The following GRIA3 variants were observed in gnomAD, a reference collection of about 807,000 sequenced individuals.
GRIA3 encodes the protein glutamate ionotropic receptor AMPA type subunit 3, also known as glutamate receptor 3.
GRIA3 carries 3 observed loss-of-function variants against 63.0 expected under a neutral mutation model. That is an observed-to-expected ratio of 0.05 (90% CI 0.02 to 0.12). The LOEUF is 0.12. Among genes scored for constraint, GRIA3 ranks in the 10% least tolerant of loss-of-function variants. The probability of loss-of-function intolerance (pLI) is 1.00; values close to 1 mark genes in which losing one functional copy is unlikely to be tolerated. For synonymous variants in GRIA3, 274 were observed against 257.9 expected (o/e 1.06, Z -0.60); for missense variants, 347 against 700.9 (o/e 0.50, Z 5.70).
intron 2 of GRIA3, among the ~76,000 whole-genome samples, chrX:123,213,327 C>G (rs1928084720): frequency 8.9e-6 from 1 of 112,427 alleles, no homozygotes; most frequent in Non-Finnish European, 1.9e-5. Context: ...TAGTGAGCAT[C>G]TACCATGTGC....
chrX:123,483,931 C>CAA lies in GRIA3; in HGVS notation c.*2+895_*2+896dup, dbSNP rs11376460. Among the ~76,000 whole-genome samples, 25 of 104,333 alleles carry CAA rather than the reference C, an allele frequency of 2.4e-4. No homozygotes were observed. The Admixed American group carries it at 2.6e-3, about 11-fold the overall frequency. 90.6% of individuals were successfully genotyped at this position (104,333 alleles called of 115,157 possible). The stretch of plus-strand genomic sequence containing the variant: ...TGGGTGACAGTGTGAGACTCCATCT[C>CAA]AAAAAAAAAAATTAGGTACACAGGT... On this transcript the variant is annotated intron_variant, in intron 15 of 15. Transcript: ENST00000620443.
Position 123,261,054 on chromosome X carries a change from T to C in GRIA3, c.508+7512T>C, listed in dbSNP as rs998396632. ...TGCTTTGGGGCATAAGAAGAGAAAG[T>C]GCCGAGCAATTTGTTGTCAGCTCTT... On this transcript the variant is annotated intron_variant, in intron 3 of 15. Coordinates refer to ENST00000620443, the MANE Select transcript of GRIA3 (RefSeq NM_007325.5). 1.9e-4 allele frequency among the ~76,000 whole-genome samples: 21 copies of C among 112,096 alleles called. No individual in the cohort carries two copies. The Admixed American group carries it at 2.0e-3, about 11-fold the overall frequency.
chrX:123,310,328 T>C (rs938656543), intron 3 of GRIA3, among the ~76,000 whole-genome samples: 2 of 112,573 alleles, frequency 1.8e-5, no homozygotes, highest in Non-Finnish European at 3.8e-5. Flanking sequence ...TCTTTGCAAA[T>C]ATTATAGTTA....
intron 3 of GRIA3, among the ~76,000 whole-genome samples, chrX:123,297,039 T>C (rs755834710): frequency 8.1e-5 from 9 of 111,496 alleles, no homozygotes; most frequent in Non-Finnish European, 1.9e-5. Context: ...ATACCAATTA[T>C]GGAGAAGACC....
chrX:123,426,129 CTG>C (rs1249354834), intron 11 of GRIA3, among the ~76,000 whole-genome samples: 1 of 111,460 alleles, frequency 9.0e-6, no homozygotes, highest in African/African-American at 3.3e-5. Flanking sequence ...GGTTCTCTTC[CTG>C]TGAGTTTTTC....
At chrX:123,202,525 T>C in intron 2 of GRIA3, 1 of 768,470 alleles carries the variant, frequency 1.3e-6, no homozygotes. Context: ...CTGGACAGTG[T>C]ACATCAAGGT....
intron 3 of GRIA3, among the ~76,000 whole-genome samples, chrX:123,293,292 C>G (rs1407501057): frequency 9.0e-6 from 1 of 111,366 alleles, no homozygotes; most frequent in Non-Finnish European, 1.9e-5. Context: ...AGACCCATTT[C>G]TTAAATGATG....
intron 3 of GRIA3, among the ~76,000 whole-genome samples, chrX:123,282,461 C>T (rs1415458841): frequency 8.9e-6 from 1 of 112,438 alleles, no homozygotes; most frequent in Non-Finnish European, 1.9e-5. Context: ...CCTTCACTGC[C>T]TGGTTTCTCT....
At chrX:123,206,679 C>A (rs1927897502) in intron 2 of GRIA3, among the ~76,000 whole-genome samples, 1 of 110,765 alleles carries the variant, frequency 9.0e-6, no homozygotes, top group Non-Finnish European at 1.9e-5. Context: ...TCTCTTGGTA[C>A]CCCCAACCTG....
At chrX:123,463,283 C>CACGCCTGTA (rs1231501248) in intron 12 of GRIA3, among the ~76,000 whole-genome samples, 1 of 109,449 alleles carries the variant, frequency 9.1e-6, no homozygotes, top group African/African-American at 3.3e-5. Flanking sequence ...GTCAGGTGCT[C>CACGCCTGTA]ACGCCTGTAA....
At chrX:123,312,344 A>C (rs754496617) in intron 3 of GRIA3, among the ~76,000 whole-genome samples, 17 of 112,212 alleles carry the variant, frequency 1.5e-4, no homozygotes, top group Non-Finnish European at 3.0e-4. Context: ...TTCGTTTCCC[A>C]CTATCTCAAT....
intron 10 of GRIA3, among the ~76,000 whole-genome samples, chrX:123,407,115 A>ACTATTT (rs1461027633): frequency 8.9e-6 from 1 of 111,770 alleles, no homozygotes; most frequent in African/African-American, 3.3e-5. Context: ...TAATATCATT[A>ACTATTT]CTATTTCTAT....
At chrX:123,456,194 C>G (rs1420207067) in intron 12 of GRIA3, among the ~76,000 whole-genome samples, 1 of 111,170 alleles carries the variant, frequency 9.0e-6, no homozygotes, top group Non-Finnish European at 1.9e-5. Context: ...GGCACACACA[C>G]TGTTCTCAGT....
At chrX:123,445,887 CA>C (rs1331157416) in intron 12 of GRIA3, among the ~76,000 whole-genome samples, 4 of 112,180 alleles carry the variant, frequency 3.6e-5, no homozygotes, top group Non-Finnish European at 7.5e-5. Context: ...ATTTGATTTT[CA>C]AAAACGAATC....
intron 2 of GRIA3, among the ~76,000 whole-genome samples, chrX:123,241,173 C>T (rs1247501631): frequency 1.3e-4 from 15 of 111,517 alleles, no homozygotes; most frequent in Admixed American, 1.2e-3. Flanking sequence ...TTATACTACC[C>T]GAAGCAGACT....
chrX:123,196,346 G>A (rs1927575857), intron 2 of GRIA3, among the ~76,000 whole-genome samples: 1 of 112,067 alleles, frequency 8.9e-6, no homozygotes, highest in Non-Finnish European at 1.9e-5. Context: ...GTTAAAGTGA[G>A]GCTATAGATC....
intron 3 of GRIA3, among the ~76,000 whole-genome samples, chrX:123,285,482 C>T (rs927391117): frequency 4.9e-5 from 5 of 102,125 alleles, no homozygotes; most frequent in South Asian, 4.9e-4. Context: ...CAAGGCCCAT[C>T]GGTGTGCTGT....
In GRIA3 at chrX:123,490,818, G is replaced by A. The variant is rs34568700; in HGVS notation, c.*2108G>A. On this transcript the variant is annotated 3_prime_UTR_variant, in exon 16 of 16. Coordinates refer to ENST00000620443, the MANE Select transcript of GRIA3 (RefSeq NM_007325.5). ...CAAGCAAACTAATGGCTATAAAAGCGTAATTTGCATGTGTGGGCATAAACT... is the reference window on the plus strand; with the variant it reads ...CAAGCAAACTAATGGCTATAAAAGCATAATTTGCATGTGTGGGCATAAACT... The A allele has an allele frequency of 0.01, 1,156 of 112,318 alleles. 3 individuals carry two copies. The highest frequency in any genetic ancestry group is 0.015 in the Non-Finnish European group (824 of 53,225). The allele number at this position is 112,318 out of a possible 1,213,427, so 9.3% of individuals were successfully genotyped here.
intron 5 of GRIA3, among the ~76,000 whole-genome samples, chrX:123,359,388 G>C (rs2045154690): frequency 9.0e-6 from 1 of 111,361 alleles, no homozygotes; most frequent in South Asian, 3.8e-4. Flanking sequence ...ACTAGAATTT[G>C]GAAAATACAC....
Sources: allele counts gnomAD v4.1 joint callset (sites outside exome capture counted in the v4.1 genomes callset), GRCh38; gene constraint gnomAD v4.1.1; transcripts MANE v1.5; gene names NCBI Gene and HGNC (gene_info 2026-07-23, HGNC 2026-07-21).